Variants in HNF4G observed in about 807,000 individuals in gnomAD.
HNF4G encodes hepatocyte nuclear factor 4 gamma.
In HNF4G, 21 loss-of-function variants were observed where a neutral mutation model predicts 50.9. That is an observed-to-expected ratio of 0.41 (90% CI 0.29 to 0.59). The LOEUF is 0.59. Among genes scored for constraint, HNF4G ranks in the 20% least tolerant of loss-of-function variants. HNF4G has a pLI of 0.26. For synonymous variants in HNF4G, 198 were observed against 185.6 expected (o/e 1.07, Z -0.54); for missense variants, 527 against 559.4 (o/e 0.94, Z 0.58).
At chr8:75,543,318 T>C (rs1273472384) in intron 1 of HNF4G, among the ~76,000 whole-genome samples, 1 of 152,120 alleles carries the variant, frequency 6.6e-6, no homozygotes, top group Non-Finnish European at 1.5e-5. Context: ...TTATTGGCCC[T>C]GGGAAACTGG....
At chr8:75,468,221 T>C (rs1350427566) in intron 1 of HNF4G, among the ~76,000 whole-genome samples, 1 of 152,172 alleles carries the variant, frequency 6.6e-6, no homozygotes, top group Non-Finnish European at 1.5e-5. Flanking sequence ...GTCCTTTTCA[T>C]TGGTTTCCTT....
At chr8:75,563,507 C>A (rs1383933972) in intron 9 of HNF4G, among the ~76,000 whole-genome samples, 1 of 151,288 alleles carries the variant, frequency 6.6e-6, no homozygotes, top group East Asian at 1.9e-4. Flanking sequence ...AGTATCTTAA[C>A]CTTAATTTTT....
intron 1 of HNF4G, among the ~76,000 whole-genome samples, chr8:75,448,458 T>A (rs1585852533): frequency 1.2e-5 from 1 of 83,824 alleles, no homozygotes; most frequent in Admixed American, 1.3e-4. Context: ...TCAGACATGA[T>A]ACAAGATGAT....
chr8:75,467,486 C>T (rs11986154), intron 1 of HNF4G, among the ~76,000 whole-genome samples: 4,174 of 152,154 alleles, frequency 0.027, 205 homozygotes, highest in African/African-American at 0.096. Context: ...ATGGTGAAAC[C>T]CTGTCTCTAC....
At chr8:75,528,330 G>A (rs1806236377) in intron 2 of HNF4G, among the ~76,000 whole-genome samples, 1 of 152,054 alleles carries the variant, frequency 6.6e-6, no homozygotes, top group Non-Finnish European at 1.5e-5. Context: ...AAATATGAGT[G>A]GTTAGTTACA....
chr8:75,505,217 T>C (rs2130713785), intron 2 of HNF4G, among the ~76,000 whole-genome samples: 1 of 152,298 alleles, frequency 6.6e-6, no homozygotes, highest in South Asian at 2.1e-4. Context: ...AACTCAACTC[T>C]TCTGCTAACT....
At chr8:75,438,290 A>G (rs1811189746) in intron 1 of HNF4G, among the ~76,000 whole-genome samples, 2 of 152,174 alleles carry the variant, frequency 1.3e-5, no homozygotes, top group Non-Finnish European at 2.9e-5. Flanking sequence ...CTCTTCTTAT[A>G]CAGCCAGATC....
At chr8:75,410,157 A>G (rs1810467540) in intron 1 of HNF4G, among the ~76,000 whole-genome samples, 2 of 152,208 alleles carry the variant, frequency 1.3e-5, no homozygotes, top group Non-Finnish European at 2.9e-5. Flanking sequence ...TAAGTATTAC[A>G]AACAATGATA....
In HNF4G at chr8:75,473,745, G is replaced by A. The variant is rs560258204; in HGVS notation, c.-143-16344G>A. ...GATTCACTCGGATTGGAACTGGGGG[G>A]AGTAGACAGAGAACGATGCAAAAGA... is the stretch of plus-strand genomic sequence containing the variant. On this transcript the variant is annotated intron_variant, in intron 1 of 10. Transcript: ENST00000354370. Among the ~76,000 whole-genome samples the A allele has an allele frequency of 3.0e-4, 45 of 152,250 alleles. No homozygotes were observed. The East Asian group carries it at 8.7e-3, about 29-fold the overall frequency.
intron 1 of HNF4G, among the ~76,000 whole-genome samples, chr8:75,457,741 G>A (rs1811755315): frequency 6.6e-6 from 1 of 152,036 alleles, no homozygotes; most frequent in Non-Finnish European, 1.5e-5. Context: ...GGTGGTGGCT[G>A]CTCAGGTCTA....
At chr8:75,435,465 A>G (rs1563505242) in intron 1 of HNF4G, among the ~76,000 whole-genome samples, 1 of 152,232 alleles carries the variant, frequency 6.6e-6, no homozygotes. Context: ...ATGGTGAAAC[A>G]TTAAAATCCA....
intron 1 of HNF4G, among the ~76,000 whole-genome samples, chr8:75,463,956 T>C (rs1333937078): frequency 6.6e-6 from 1 of 152,036 alleles, no homozygotes; most frequent in Non-Finnish European, 1.5e-5. Flanking sequence ...GTATTTTTCA[T>C]AGAGACGGGG....
chr8:75,468,389 A>T (rs1166893601), intron 1 of HNF4G, among the ~76,000 whole-genome samples: 1 of 152,150 alleles, frequency 6.6e-6, no homozygotes, highest in East Asian at 1.9e-4. Flanking sequence ...TAATGAATTA[A>T]AAGGTCAACA....
chr8:75,531,031 T>G (rs1261759602), intron 2 of HNF4G, among the ~76,000 whole-genome samples: 1 of 152,060 alleles, frequency 6.6e-6, no homozygotes, highest in African/African-American at 2.4e-5. Context: ...TGACCTCAGG[T>G]GATCCATCCG....
chr8:75,497,853 C>G (rs1323047475), intron 2 of HNF4G, among the ~76,000 whole-genome samples: 1 of 151,848 alleles, frequency 6.6e-6, no homozygotes, highest in African/African-American at 2.4e-5. Flanking sequence ...ATTATCCTGT[C>G]TTTGATTTTG....
intron 1 of HNF4G, among the ~76,000 whole-genome samples, chr8:75,421,465 T>C (rs1166108653): frequency 6.6e-6 from 1 of 152,366 alleles, no homozygotes; most frequent in South Asian, 2.1e-4. Context: ...TTTAAATAGA[T>C]GTATGGGAAA....
chr8:75,500,951 C>A (rs574051107), intron 2 of HNF4G, among the ~76,000 whole-genome samples: 1 of 151,796 alleles, frequency 6.6e-6, no homozygotes, highest in Non-Finnish European at 1.5e-5. Flanking sequence ...GTTTGTCCAA[C>A]CTTTTGAATA....
intron 2 of HNF4G, among the ~76,000 whole-genome samples, chr8:75,504,479 A>T (rs980029230): frequency 6.7e-6 from 1 of 149,948 alleles, no homozygotes; most frequent in South Asian, 2.1e-4. Context: ...ATATACATAT[A>T]TATTATACAC....
chr8:75,412,291 T>C (rs1810519586), intron 1 of HNF4G, among the ~76,000 whole-genome samples: 5 of 152,200 alleles, frequency 3.3e-5, no homozygotes. Flanking sequence ...TGTGTGCAGA[T>C]CTCAATTCTG....
Sources: gnomAD v4.1 joint callset for allele counts (sites outside exome capture counted in the v4.1 genomes callset) on GRCh38, gnomAD v4.1.1 for gene constraint, MANE v1.5 for transcripts, NCBI Gene and HGNC (gene_info 2026-07-23, HGNC 2026-07-21) for gene names.